Variants in PLCG2 observed in about 807,000 individuals in gnomAD.
The protein encoded by PLCG2 is 1-phosphatidylinositol 4,5-bisphosphate phosphodiesterase gamma-2.
PLCG2 carries 69 observed loss-of-function variants against 175.6 expected under a neutral mutation model. The ratio of observed to expected loss-of-function variants is 0.39; its 90% CI spans 0.32 to 0.48. The LOEUF is 0.48. Ranked by LOEUF, PLCG2 falls within the 20% of genes least tolerant of loss-of-function variation. PLCG2 has a pLI of 0.91. For missense variants in PLCG2, 1,798 were observed against 1,650.9 expected, an observed-to-expected ratio of 1.09 and a Z score of -1.54; for synonymous variants, 827 against 624.0, an observed-to-expected ratio of 1.33 and a Z score of -4.85.
Position 81,849,771 on chromosome 16 carries a change from C to CAA in PLCG2, c.194-4648_194-4647dup, listed in dbSNP as rs34130863. Among the ~76,000 whole-genome samples, 314 of 83,016 alleles carry CAA rather than the reference C, an allele frequency of 3.8e-3. 4 individuals are homozygous for CAA. The highest frequency in any genetic ancestry group is 0.013 in the African/African-American group (207 of 16,058). The allele number at this position is 83,016 out of a possible 152,430, so 54.5% of individuals were successfully genotyped here. On this transcript the variant is annotated intron_variant, in intron 2 of 32. Transcript: ENST00000564138. ...GGGCAACAAGAGCAAAACTCTGTCT[C>CAA]AAAAAAAAAAAAAAAAAAAAAAAAA...
At chr16:81,944,495 C>G (rs78074872) in intron 30 of PLCG2, among the ~76,000 whole-genome samples, 3,918 of 152,224 alleles carry the variant, frequency 0.026, 207 homozygotes, top group East Asian at 0.15. Flanking sequence ...AAGGTCTTCC[C>G]TCTGTCACTG....
intron 1 of PLCG2, among the ~76,000 whole-genome samples, chr16:81,782,119 G>A (rs557467519): frequency 2.6e-5 from 4 of 151,934 alleles, no homozygotes; most frequent in South Asian, 4.2e-4. Flanking sequence ...CTCATGATCC[G>A]CCCACCTCGG....
chr16:81,851,295 G>A (rs1295583363), intron 2 of PLCG2, among the ~76,000 whole-genome samples: 2 of 152,154 alleles, frequency 1.3e-5, no homozygotes, highest in East Asian at 3.9e-4. Flanking sequence ...ATCAAAACCT[G>A]GACATGGTCG....
chr16:81,951,958 G>T (rs1911383004), intron 31 of PLCG2, among the ~76,000 whole-genome samples: 1 of 152,196 alleles, frequency 6.6e-6, no homozygotes, highest in South Asian at 2.1e-4. Context: ...ATTTTAAAGA[G>T]ACTGATGTTT....
At chr16:81,806,978 G>A (rs1484619863) in intron 2 of PLCG2, among the ~76,000 whole-genome samples, 1 of 152,168 alleles carries the variant, frequency 6.6e-6, no homozygotes, top group Admixed American at 6.5e-5. Flanking sequence ...GGAGCCATGG[G>A]AGAGTTTGCA....
At chr16:81,955,201 C>G (rs1476412374) in intron 31 of PLCG2, among the ~76,000 whole-genome samples, 1 of 152,172 alleles carries the variant, frequency 6.6e-6, no homozygotes, top group South Asian at 2.1e-4. Context: ...TCCAAAGTCA[C>G]AGTTCCAGCT....
At chr16:81,916,258 T>A (rs1909835456) in intron 19 of PLCG2, among the ~76,000 whole-genome samples, 2 of 151,066 alleles carry the variant, frequency 1.3e-5, no homozygotes, top group South Asian at 2.1e-4. Context: ...AGCAATATAT[T>A]TTTTTTTTCA....
intron 8 of PLCG2, among the ~76,000 whole-genome samples, chr16:81,882,282 G>C (rs1310465118): frequency 6.6e-6 from 1 of 152,152 alleles, no homozygotes; most frequent in East Asian, 1.9e-4. Context: ...CGGGAGTCCT[G>C]CCTTTATTCG....
At position 81,958,298 on chromosome 16, in the gene PLCG2, A is replaced by G. The variant is rs1000631278; in HGVS notation, c.*300A>G. ...ATAAAAGCAATGAAAACCTTGATCA[A>G]TTAAGCCTTCTGTTGCACGACCTGT... is the stretch of plus-strand genomic sequence containing the variant. On this transcript the variant is annotated 3_prime_UTR_variant, in exon 33 of 33. Coordinates refer to ENST00000564138, the MANE Select transcript of PLCG2 (RefSeq NM_002661.5). 6.6e-5 allele frequency: 27 copies of G among 408,570 alleles called. No homozygotes were observed. Among genetic ancestry groups the G allele is most frequent in the African/African-American group, 1.4e-4 (7 of 50,534 alleles). The allele number at this position is 408,570 out of a possible 1,614,324, so 25.3% of individuals were successfully genotyped here.
chr16:81,861,380 C>T (rs554707162), intron 5 of PLCG2, among the ~76,000 whole-genome samples: 1 of 152,198 alleles, frequency 6.6e-6, no homozygotes, highest in South Asian at 2.1e-4. Context: ...TTGTTAGCTT[C>T]AGGGTTTGGG....
rs1251010323 is a variant in PLCG2, at chr16:81,900,850, C to A, written c.1362+70C>A. The A allele has an allele frequency of 2.1e-6, 3 of 1,432,756 alleles. No individual in the cohort carries two copies. In the African/African-American group the frequency reaches 4.2e-5, roughly 20 times the overall value. The allele number at this position is 1,432,756 out of a possible 1,614,324, so 88.8% of individuals were successfully genotyped here. On this transcript the variant is annotated intron_variant, in intron 14 of 32. Coordinates refer to ENST00000564138, the MANE Select transcript of PLCG2 (RefSeq NM_002661.5). ...GGCTCGGTTCCCCGGCTCTGGGTCC[C>A]GTTCACCAAGTTCTATGTCCTACTG...
In PLCG2 at chr16:81,958,530, C is replaced by T. The variant is rs891281770; in HGVS notation, c.*532C>T. On this transcript the variant is annotated 3_prime_UTR_variant, in exon 33 of 33. Coordinates refer to ENST00000564138, the MANE Select transcript of PLCG2 (RefSeq NM_002661.5). ...TGCTCAGTTCAATGTACTTTAACTA[C>T]CACCGGCTGCCTGCTGCAGTCCACA... The T allele has an allele frequency of 4.3e-6, 1 of 231,456 alleles. No individual in the cohort carries two copies. Among genetic ancestry groups the T allele is most frequent in the Non-Finnish European group, 8.5e-6 (1 of 117,100 alleles). 14.3% of individuals were successfully genotyped at this position (231,456 alleles called of 1,614,324 possible).
At chr16:81,890,808 A>C (rs1394511721) in intron 10 of PLCG2, among the ~76,000 whole-genome samples, 4 of 151,976 alleles carry the variant, frequency 2.6e-5, no homozygotes, top group African/African-American at 9.7e-5. Context: ...TATGGATAAC[A>C]CTCTGTTTCT....
intron 10 of PLCG2, among the ~76,000 whole-genome samples, chr16:81,889,786 C>T (rs1399725095): frequency 6.6e-6 from 1 of 152,074 alleles, no homozygotes; most frequent in Non-Finnish European, 1.5e-5. Flanking sequence ...TCCCGAGTAG[C>T]TGGGATTATA....
chr16:81,886,347 T>A (rs1908366866), intron 9 of PLCG2, among the ~76,000 whole-genome samples: 1 of 152,204 alleles, frequency 6.6e-6, no homozygotes, highest in Non-Finnish European at 1.5e-5. Context: ...CCATGCGATG[T>A]TTGTTGGTCA....
intron 2 of PLCG2, among the ~76,000 whole-genome samples, chr16:81,787,092 T>C (rs1384815395): frequency 2.0e-5 from 3 of 152,232 alleles, no homozygotes; most frequent in African/African-American, 4.8e-5. Flanking sequence ...TCTCATTCTT[T>C]CTTGGACACA....
intron 2 of PLCG2, among the ~76,000 whole-genome samples, chr16:81,791,563 A>T (rs1911232647): frequency 6.6e-6 from 1 of 151,908 alleles, no homozygotes; most frequent in South Asian, 2.1e-4. Context: ...CTTAGCTGGG[A>T]TTATTTTTTG....
At chr16:81,874,966 T>C (rs796535255) in intron 7 of PLCG2, among the ~76,000 whole-genome samples, 11 of 144,426 alleles carry the variant, frequency 7.6e-5, no homozygotes, top group East Asian at 2.0e-4. Context: ...TTTTTTTTTT[T>C]TTTTTTTTTT....
chr16:81,836,221 A>G (rs1286961530), intron 2 of PLCG2, among the ~76,000 whole-genome samples: 1 of 152,116 alleles, frequency 6.6e-6, no homozygotes, highest in Admixed American at 6.5e-5. Context: ...CATTTCTCAG[A>G]GGGGGAAACT....
Sources: gnomAD v4.1 joint callset for allele counts (sites outside exome capture counted in the v4.1 genomes callset) on GRCh38, gnomAD v4.1.1 for gene constraint, MANE v1.5 for transcripts, NCBI Gene and HGNC (gene_info 2026-07-23, HGNC 2026-07-21) for gene names.